EXOC1: variants seen among roughly 807,000 people sequenced by gnomAD.
The protein encoded by EXOC1 is SEC3-like 1.
EXOC1 carries 67 observed loss-of-function variants against 107.7 expected under a neutral mutation model. The ratio of observed to expected loss-of-function variants is 0.62; its 90% confidence interval spans 0.51 to 0.76. The LOEUF is 0.76. EXOC1 is among the 30% of genes least tolerant of loss of function. EXOC1 has a pLI of 0.00. For missense variants in EXOC1, 833 were observed against 1,055.7 expected, an observed-to-expected ratio of 0.79 and a Z score of 2.92; for synonymous variants, 348 against 353.5, an observed-to-expected ratio of 0.98 and a Z score of 0.17.
chr4:55,879,636 C>T (rs1387036030), intron 9 of EXOC1, among the ~76,000 whole-genome samples: 1 of 152,098 alleles, frequency 6.6e-6, no homozygotes, highest in Non-Finnish European at 1.5e-5. Context: ...AGGGACAGTC[C>T]TTTTCTGGCA....
chr4:55,857,534 A>G (rs997392635), intron 1 of EXOC1, among the ~76,000 whole-genome samples: 9 of 152,158 alleles, frequency 5.9e-5, no homozygotes, highest in Non-Finnish European at 1.3e-4. Flanking sequence ...TTGCTTATGT[A>G]TCATTTGATG....
intron 15 of EXOC1, among the ~76,000 whole-genome samples, chr4:55,896,321 T>G (rs1725196756): frequency 6.6e-6 from 1 of 152,066 alleles, no homozygotes; most frequent in Admixed American, 6.5e-5. Flanking sequence ...AGCTAATTTT[T>G]TTTTGTATTT....
chr4:55,868,642 C>T (rs1394500715), intron 5 of EXOC1, 119 bp downstream of exon 5: 1 of 776,426 alleles, frequency 1.3e-6, no homozygotes, highest in Non-Finnish European at 1.9e-6. Context: ...CCATCTTTAT[C>T]TATAAGCACA....
chr4:55,890,465 C>G lies in EXOC1; in HGVS notation c.1539+79C>G. 3 of 1,222,312 alleles carry G rather than the reference C, an allele frequency of 2.5e-6. No individual in the cohort carries two copies. In the South Asian group the frequency reaches 4.1e-5, roughly 17 times the overall value. 75.7% of individuals were successfully genotyped at this position (1,222,312 alleles called of 1,614,324 possible). The stretch of plus-strand genomic sequence containing the variant: ...AGTTTGTGGTTGCTCTAAGTGTGTT[C>G]AAAGATTTGGGTTCTTCTGGCTCTC... On this transcript the variant is annotated intron_variant, in intron 12 of 18. Transcript: ENST00000381295.
chr4:55,901,029 A>G (rs572664488), intron 17 of EXOC1, among the ~76,000 whole-genome samples: 1 of 152,356 alleles, frequency 6.6e-6, no homozygotes, highest in South Asian at 2.1e-4. Context: ...TCTCAGGCCT[A>G]AAGCTTACAT....
chr4:55,862,246 C>G (rs1228509336), intron 3 of EXOC1, among the ~76,000 whole-genome samples: 1 of 152,114 alleles, frequency 6.6e-6, no homozygotes. Context: ...TTGCATAATT[C>G]AGTAACATTG....
intron 2 of EXOC1, among the ~76,000 whole-genome samples, chr4:55,859,511 T>C (rs1393224230): frequency 2.0e-5 from 3 of 152,134 alleles, no homozygotes; most frequent in Non-Finnish European, 4.4e-5. Context: ...TCTTATTAAT[T>C]CTAATTATAT....
Position 55,904,613 on chromosome 4 carries a change from G to T in EXOC1, c.*118G>T. The T allele has an allele frequency of 9.4e-7, 1 of 1,063,506 alleles. No individual in the cohort carries two copies. The highest frequency in any genetic ancestry group is 1.3e-6 in the Non-Finnish European group (1 of 771,730). 65.9% of individuals were successfully genotyped at this position (1,063,506 alleles called of 1,614,324 possible). ...CTTAAAATTTTATGTATTATTAAAT[G>T]TTAGATAAATGGGTAGTACCATACT... On this transcript the variant is annotated 3_prime_UTR_variant, in exon 19 of 19. Transcript: ENST00000381295.
chr4:55,889,056 G>T, intron 11 of EXOC1, 124 bp downstream of exon 11: 2 of 853,110 alleles, frequency 2.3e-6, no homozygotes, highest in Non-Finnish European at 1.9e-6. Flanking sequence ...AGGTATTGGT[G>T]AAAGAAAGCC....
intron 15 of EXOC1, 45 bp downstream of exon 15, chr4:55,893,825 G>A: frequency 7.0e-7 from 1 of 1,419,750 alleles, no homozygotes; most frequent in South Asian, 1.2e-5. Flanking sequence ...CCTAGTCATT[G>A]CAAAATATAG....
At chr4:55,887,520 G>A (rs1042819446) in intron 10 of EXOC1, among the ~76,000 whole-genome samples, 1 of 152,054 alleles carries the variant, frequency 6.6e-6, no homozygotes, top group Non-Finnish European at 1.5e-5. Flanking sequence ...GCTGATAAGG[G>A]ATATAGGCTG....
chr4:55,860,409 A>C lies in EXOC1; in HGVS notation c.125-2A>C. ...AATAAAAGTGTGCGTTTTACTCAACAGTGACAACTGAACGCCCTGTGCAGG... is the reference window on the plus strand; with the variant it reads ...AATAAAAGTGTGCGTTTTACTCAACCGTGACAACTGAACGCCCTGTGCAGG... On this transcript the variant is annotated splice_acceptor_variant, in intron 2 of 18. Coordinates refer to ENST00000381295, the MANE Select transcript of EXOC1 (RefSeq NM_001024924.2). LOFTEE classifies it high-confidence loss of function. The C allele has an allele frequency of 6.2e-7, 1 of 1,613,574 alleles. No individual in the cohort carries two copies. Among genetic ancestry groups the C allele is most frequent in the Non-Finnish European group, 8.5e-7 (1 of 1,179,604 alleles).
At chr4:55,903,093 A>C (rs552683561) in intron 18 of EXOC1, among the ~76,000 whole-genome samples, 1 of 150,854 alleles carries the variant, frequency 6.6e-6, no homozygotes, top group South Asian at 2.1e-4. Context: ...CCAGTGAACT[A>C]TGATCCTACC....
chr4:55,902,663 A>T (rs1726091796), intron 18 of EXOC1, 125 bp downstream of exon 18: 1 of 621,750 alleles, frequency 1.6e-6, no homozygotes, highest in Non-Finnish European at 2.4e-6. Flanking sequence ...TACAGACCAG[A>T]TTAATGAATT....
rs985877636 is a variant in EXOC1 at position 55,863,134 on chromosome 4, A to G, written c.256-1093A>G. Among the ~76,000 whole-genome samples the G allele has an allele frequency of 2.4e-4, 36 of 152,208 alleles. 1 individual carries two copies. Among genetic ancestry groups the G allele is most frequent in the African/African-American group, 8.7e-4 (36 of 41,524 alleles). On this transcript the variant is annotated intron_variant, in intron 3 of 18. Coordinates refer to ENST00000381295, the MANE Select transcript of EXOC1 (RefSeq NM_001024924.2). The stretch of plus-strand genomic sequence containing the variant: ...AGGCCAGTCTCAAATTCCTGGGTTC[A>G]AGCAATCTACCCACCTCGGCCTCCC...
chr4:55,903,441 G>A (rs1455814904), intron 18 of EXOC1, among the ~76,000 whole-genome samples: 1 of 152,168 alleles, frequency 6.6e-6, no homozygotes, highest in Non-Finnish European at 1.5e-5. Flanking sequence ...GATGGAGGGA[G>A]TAGCATTCTA....
chr4:55,890,479 C>A, intron 12 of EXOC1, 93 bp downstream of exon 12: 2 of 964,908 alleles, frequency 2.1e-6, no homozygotes, highest in Non-Finnish European at 3.0e-6. Flanking sequence ...GATTTGGGTT[C>A]TTCTGGCTCT....
chr4:55,884,563 C>T (rs1723693763), intron 10 of EXOC1, among the ~76,000 whole-genome samples: 1 of 152,078 alleles, frequency 6.6e-6, no homozygotes, highest in African/African-American at 2.4e-5. Context: ...AAAGAATAGC[C>T]AGTGACAGTA....
At chr4:55,876,656 G>T in intron 8 of EXOC1, 1 of 985,126 alleles carries the variant, frequency 1.0e-6, no homozygotes. Context: ...TCTAGTTCTT[G>T]TTATTTTGAA....
Sources: gnomAD v4.1 joint callset for allele counts (sites outside exome capture counted in the v4.1 genomes callset) on GRCh38, gnomAD v4.1.1 for gene constraint, MANE v1.5 for transcripts, NCBI Gene and HGNC (gene_info 2026-07-23, HGNC 2026-07-21) for gene names.